CHSY1: variants seen among roughly 807,000 people sequenced by gnomAD.
CHSY1 encodes the protein chondroitin sulfate synthase 1.
A neutral mutation model predicts 59.8 loss-of-function variants in CHSY1; 13 were observed. That is an observed-to-expected ratio of 0.22 (90% CI 0.14 to 0.35). The LOEUF (loss-of-function observed/expected upper bound fraction) is 0.35, where lower values mean the gene tolerates loss of function less well. CHSY1 is among the 10% of genes least tolerant of loss of function. The pLI, the probability that CHSY1 is intolerant of heterozygous loss-of-function variation, is 1.00. For synonymous variants in CHSY1, 459 were observed against 401.2 expected (o/e 1.14, Z -1.72); for missense variants, 947 against 1,030.6 (o/e 0.92, Z 1.11).
At chr15:101,214,675 G>T (rs2038714456) in intron 2 of CHSY1, among the ~76,000 whole-genome samples, 2 of 143,532 alleles carry the variant, frequency 1.4e-5, no homozygotes, top group South Asian at 4.7e-4. Context: ...GGAGGTGGCT[G>T]GATCATGGAG....
chr15:101,199,978 G>T (rs187986664), intron 2 of CHSY1, among the ~76,000 whole-genome samples: 1 of 152,154 alleles, frequency 6.6e-6, no homozygotes, highest in Non-Finnish European at 1.5e-5. Context: ...CTGAAGCATC[G>T]TTCTGAATAA....
intron 2 of CHSY1, among the ~76,000 whole-genome samples, chr15:101,215,018 T>G (rs1303574219): frequency 6.6e-6 from 1 of 152,224 alleles, no homozygotes; most frequent in Non-Finnish European, 1.5e-5. Flanking sequence ...CGCTTTCTCT[T>G]GCTTCTGCTC....
Position 101,184,065 on chromosome 15 carries a change from G to A in CHSY1, c.817-5085C>T, listed in dbSNP as rs911494077. The stretch of plus-strand genomic sequence containing the variant: ...GTGACTGCACACTTTATTCCTGGCC[G>A]TCCATACCCCACACAGGGAGGGCGG... On this transcript the variant is annotated intron_variant, in intron 2 of 2. Transcript: ENST00000254190. 7.2e-5 allele frequency among the ~76,000 whole-genome samples: 11 copies of A among 152,228 alleles called. No individual in the cohort carries two copies. The East Asian group carries it at 9.6e-4, about 13-fold the overall frequency.
At chr15:101,218,904 TG>T (rs2038761667) in intron 2 of CHSY1, among the ~76,000 whole-genome samples, 1 of 152,216 alleles carries the variant, frequency 6.6e-6, no homozygotes, top group African/African-American at 2.4e-5. Flanking sequence ...TCAACTTTAT[TG>T]GTTCTTTTCA....
Position 101,177,728 on chromosome 15 carries a change from T to C in CHSY1, c.2069A>G (p.Asn690Ser), listed in dbSNP as rs1261137181. Residue 690 changes from asparagine to serine, a missense_variant, in exon 3 of 3, where the codon AAC (asparagine) becomes AGC (serine). Asn to Ser is a conservative substitution (Grantham distance 46). This residue lies in a region of CHSY1 where 602 missense variants were observed against 676.9 expected (regional missense o/e 0.89). Coordinates refer to ENST00000254190, the MANE Select transcript of CHSY1 (RefSeq NM_014918.5). ...AFTQKTGFWR[N>S]YGFGITCIYK... ...AATACACGTGATGCCAAACCCATAG[T>C]TTCTCCAGAAGCCAGTTTTCTGAGT... The C allele has an allele frequency of 1.2e-6, 2 of 1,614,102 alleles. No individual in the cohort carries two copies. Among genetic ancestry groups the C allele is most frequent in the Non-Finnish European group, 1.7e-6 (2 of 1,180,034 alleles).
chr15:101,223,902 C>T (rs962040744), intron 2 of CHSY1, among the ~76,000 whole-genome samples: 7 of 152,274 alleles, frequency 4.6e-5, no homozygotes, highest in African/African-American at 1.7e-4. Context: ...ACAGTCCTGG[C>T]CCCTGTAACG....
chr15:101,251,113 G>A (rs768632548), intron 1 of CHSY1, 24 bp downstream of exon 1: 103 of 1,553,746 alleles, frequency 6.6e-5, no homozygotes, highest in Non-Finnish European at 8.8e-5. Flanking sequence ...CGCAGGAGGC[G>A]GTGCCCGGGG....
chr15:101,195,912 G>A (rs185384295), intron 2 of CHSY1, among the ~76,000 whole-genome samples: 59 of 150,966 alleles, frequency 3.9e-4, no homozygotes, highest in Admixed American at 9.9e-4. Flanking sequence ...ACATAGTGTC[G>A]ACACCCCAGT....
intron 2 of CHSY1, among the ~76,000 whole-genome samples, chr15:101,220,089 A>G (rs923991476): frequency 6.6e-6 from 1 of 152,160 alleles, no homozygotes; most frequent in African/African-American, 2.4e-5. Context: ...TTCACTTTTG[A>G]TAAGAATCTC....
chr15:101,179,579 G>A (rs1231565942), intron 2 of CHSY1, among the ~76,000 whole-genome samples: 1 of 152,198 alleles, frequency 6.6e-6, no homozygotes, highest in Non-Finnish European at 1.5e-5. Flanking sequence ...AAAAGCACAC[G>A]CTGAAAACCC....
At chr15:101,207,526 T>C (rs567250755) in intron 2 of CHSY1, among the ~76,000 whole-genome samples, 1 of 152,322 alleles carries the variant, frequency 6.6e-6, no homozygotes, top group East Asian at 1.9e-4. Context: ...TCTGTATCTG[T>C]TAATTCATCA....
At chr15:101,190,428 A>G (rs1596431745) in intron 2 of CHSY1, among the ~76,000 whole-genome samples, 1 of 152,368 alleles carries the variant, frequency 6.6e-6, no homozygotes, top group African/African-American at 2.4e-5. Context: ...CTGGACATCC[A>G]AATGCAGGAA....
At chr15:101,238,105 T>C (rs1204287031) in intron 1 of CHSY1, among the ~76,000 whole-genome samples, 1 of 152,190 alleles carries the variant, frequency 6.6e-6, no homozygotes, top group African/African-American at 2.4e-5. Context: ...TGCATCTCTA[T>C]ATTGAAGGAC....
At chr15:101,229,280 AT>A (rs2038870599) in intron 2 of CHSY1, among the ~76,000 whole-genome samples, 1 of 152,234 alleles carries the variant, frequency 6.6e-6, no homozygotes, top group African/African-American at 2.4e-5. Context: ...GGCAGAATGC[AT>A]TTTTTAAATG....
chr15:101,198,263 C>A (rs1294676134), intron 2 of CHSY1, among the ~76,000 whole-genome samples: 1 of 152,128 alleles, frequency 6.6e-6, no homozygotes, highest in Non-Finnish European at 1.5e-5. Context: ...AAGGACAATG[C>A]CACAGGAGAC....
In CHSY1 at chr15:101,235,536, G is replaced by A. The variant is rs756968034; in HGVS notation, c.362C>T (p.Ser121Leu). The A allele has an allele frequency of 8.7e-6, 14 of 1,612,808 alleles. No individual in the cohort carries two copies. Among genetic ancestry groups the A allele is most frequent in the Non-Finnish European group, 1.2e-5 (14 of 1,179,980 alleles). Reference protein sequence around the residue: ...KTIPGKVQFFSSEGSDTSVPI... With the variant: ...KTIPGKVQFFLSEGSDTSVPI... ...TACAGATGTGTCAGAACCCTCACTTGAGAAGAACTGAACTTTCCCAGGAAT... is the reference window on the plus strand; with the variant it reads ...TACAGATGTGTCAGAACCCTCACTTAAGAAGAACTGAACTTTCCCAGGAAT... The change falls in exon 2 of 3, where the codon TCA becomes TTA. Residue 121 changes from serine (S) to leucine (L), a missense_variant. Around this residue, in one of 4 missense-constraint regions of CHSY1, gnomAD observed 232 missense variants for 188.5 expected, o/e 1.23. Transcript: ENST00000254190.
chr15:101,187,512 A>G (rs1160826816), intron 2 of CHSY1: 1 of 151,330 alleles, frequency 6.6e-6, no homozygotes, highest in Non-Finnish European at 1.5e-5. Flanking sequence ...CAAACAAACA[A>G]AACTCCAGAA....
rs1041396085 is a variant in CHSY1, at chr15:101,235,489, G to A, written c.409C>T (p.Arg137Trp). The A allele has an allele frequency of 1.9e-5, 30 of 1,613,978 alleles. No homozygotes were observed. Among genetic ancestry groups the A allele is most frequent in the Non-Finnish European group, 2.5e-5 (29 of 1,179,982 alleles). The change falls in exon 2 of 3, where the codon CGG becomes TGG. Residue 137 changes from arginine (R) to tryptophan (W), a missense_variant. This residue lies in a region of CHSY1 where 232 missense variants were observed against 188.5 expected (regional missense o/e 1.23). Coordinates refer to ENST00000254190, the MANE Select transcript of CHSY1 (RefSeq NM_014918.5). ...TSVPIPVVPL[R>W]GVDDSYPPQK... ...GGCGGGTAGGAGTCGTCCACACCCCGTAGTGGCACTACTGGAATTGGTACA... is the reference window on the plus strand; with the variant it reads ...GGCGGGTAGGAGTCGTCCACACCCCATAGTGGCACTACTGGAATTGGTACA...
intron 2 of CHSY1, among the ~76,000 whole-genome samples, chr15:101,225,988 C>G (rs1203711667): frequency 6.6e-6 from 1 of 152,168 alleles, no homozygotes; most frequent in Non-Finnish European, 1.5e-5. Flanking sequence ...AATGGTGGAA[C>G]CATTTCAGAG....
Sources: gnomAD v4.1 joint callset for allele counts (sites outside exome capture counted in the v4.1 genomes callset) on GRCh38, gnomAD v4.1.1 for gene constraint, gnomAD v4.1.1 regional missense constraint, MANE v1.5 for transcripts, NCBI Gene and HGNC (gene_info 2026-07-23, HGNC 2026-07-21) for gene names.